Variants in SYNDIG1 observed in about 807,000 individuals in gnomAD.
SYNDIG1 encodes synapse differentiation-inducing gene protein 1.
SYNDIG1 carries 9 observed loss-of-function variants against 19.4 expected under a neutral mutation model. The ratio of observed to expected loss-of-function variants is 0.46; its 90% confidence interval spans 0.28 to 0.81. The LOEUF (loss-of-function observed/expected upper bound fraction) is 0.81. Among genes scored for constraint, SYNDIG1 ranks in the 30% least tolerant of loss-of-function variants. The pLI, the probability that SYNDIG1 is intolerant of heterozygous loss-of-function variation, is 0.12. For synonymous variants in SYNDIG1, 141 were observed against 145.9 expected, an observed-to-expected ratio of 0.97 and a Z score of 0.24; for missense variants, 311 against 343.3, an observed-to-expected ratio of 0.91 and a Z score of 0.74.
intron 1 of SYNDIG1, among the ~76,000 whole-genome samples, chr20:24,514,425 G>A (rs1179663946): frequency 2.0e-5 from 3 of 152,136 alleles, no homozygotes; most frequent in African/African-American, 7.2e-5. Flanking sequence ...AAGGGATGAA[G>A]GAAGATCCAC....
At chr20:24,542,250 G>T (rs2057483454) in intron 1 of SYNDIG1, among the ~76,000 whole-genome samples, 1 of 152,144 alleles carries the variant, frequency 6.6e-6, no homozygotes, top group Non-Finnish European at 1.5e-5. Flanking sequence ...TTAAAATTTA[G>T]TAAATAATCA....
chr20:24,563,178 A>G (rs1350118491), intron 2 of SYNDIG1, among the ~76,000 whole-genome samples: 1 of 152,190 alleles, frequency 6.6e-6, no homozygotes, highest in Non-Finnish European at 1.5e-5. Flanking sequence ...TTATTAAAAC[A>G]TCTCTCTTTA....
intron 3 of SYNDIG1, among the ~76,000 whole-genome samples, chr20:24,629,231 C>T (rs181239857): frequency 2.6e-4 from 40 of 152,312 alleles, no homozygotes; most frequent in African/African-American, 8.2e-4. Flanking sequence ...GTGGACATGT[C>T]GGCTCCCCGC....
intron 2 of SYNDIG1, among the ~76,000 whole-genome samples, chr20:24,555,069 T>A (rs2057785794): frequency 6.6e-6 from 1 of 152,138 alleles, no homozygotes; most frequent in East Asian, 1.9e-4. Context: ...CCATTTCTTC[T>A]AGATTTTCTA....
chr20:24,570,552 A>T (rs2058125028), intron 2 of SYNDIG1, among the ~76,000 whole-genome samples: 1 of 152,258 alleles, frequency 6.6e-6, no homozygotes, highest in Admixed American at 6.5e-5. Context: ...CACAAGAAAG[A>T]TATTTGACAT....
At chr20:24,601,526 G>T (rs1568675840) in intron 3 of SYNDIG1, among the ~76,000 whole-genome samples, 1 of 151,926 alleles carries the variant, frequency 6.6e-6, no homozygotes, top group East Asian at 1.9e-4. Context: ...ATCGGTTATG[G>T]CAAGTTATAT....
At chr20:24,600,368 T>G (rs978037472) in intron 3 of SYNDIG1, among the ~76,000 whole-genome samples, 3 of 152,016 alleles carry the variant, frequency 2.0e-5, no homozygotes, top group Admixed American at 1.3e-4. Flanking sequence ...ATGCATAGCT[T>G]AACAAATTAT....
intron 1 of SYNDIG1, 44 bp from the exon 2 acceptor site, chr20:24,542,976 C>G: frequency 6.9e-7 from 1 of 1,452,730 alleles, no homozygotes; most frequent in Non-Finnish European, 9.3e-7. Flanking sequence ...AGCTTGTTTT[C>G]AAGTGTGATT....
At chr20:24,634,603 G>A (rs11699457) in intron 3 of SYNDIG1, among the ~76,000 whole-genome samples, 25,659 of 152,136 alleles carry the variant, frequency 0.17, 2,749 homozygotes, top group East Asian at 0.48. Context: ...GTGTTTCATT[G>A]GTTACTATAA....
At chr20:24,517,803 TTTTATATA>T (rs2056918216) in intron 1 of SYNDIG1, among the ~76,000 whole-genome samples, 1 of 141,982 alleles carries the variant, frequency 7.0e-6, no homozygotes, top group Non-Finnish European at 1.5e-5. Context: ...AAAAAATATT[TTTTATATA>T]TATATATATT....
intron 3 of SYNDIG1, among the ~76,000 whole-genome samples, chr20:24,661,099 C>G (rs1417571556): frequency 6.6e-6 from 1 of 152,222 alleles, no homozygotes; most frequent in Non-Finnish European, 1.5e-5. Flanking sequence ...TCTCAGCCTC[C>G]AAACCATTTG....
rs185447217 is a variant in SYNDIG1 at position 24,546,107 on chromosome 20, C to T, written c.480+2530C>T. On this transcript the variant is annotated intron_variant, in intron 2 of 3. Transcript: ENST00000376862. Reference sequence around the variant, plus strand: ...GATGCCAAGGAGGATTTCAGAGCCTCACCACGGTGGTTAACTTCGTCCTTT... The same window carrying T: ...GATGCCAAGGAGGATTTCAGAGCCTTACCACGGTGGTTAACTTCGTCCTTT... Among the ~76,000 whole-genome samples, 8 of 152,300 alleles carry T rather than the reference C, an allele frequency of 5.3e-5. No individual in the cohort carries two copies. In the East Asian group the frequency reaches 1.5e-3, roughly 29 times the overall value.
intron 2 of SYNDIG1, among the ~76,000 whole-genome samples, chr20:24,573,869 C>T (rs988229629): frequency 2.0e-5 from 3 of 152,220 alleles, no homozygotes; most frequent in African/African-American, 7.2e-5. Context: ...AGCAGGTGCT[C>T]TCAGCTCCCC....
At chr20:24,636,166 T>C (rs1449138091) in intron 3 of SYNDIG1, among the ~76,000 whole-genome samples, 1 of 152,064 alleles carries the variant, frequency 6.6e-6, no homozygotes, top group Admixed American at 6.5e-5. Flanking sequence ...GGGCTGCAAA[T>C]AGGGTACTTC....
At chr20:24,572,610 G>A (rs2058162654) in intron 2 of SYNDIG1, among the ~76,000 whole-genome samples, 1 of 152,178 alleles carries the variant, frequency 6.6e-6, no homozygotes, top group Non-Finnish European at 1.5e-5. Flanking sequence ...GTGCCCTTGG[G>A]TGGAGGACAG....
rs2059619482 is a variant in SYNDIG1, at chr20:24,663,286, TG to T, written c.619-2059del. Reference sequence around the variant, plus strand: ...AACACACCACATTCCCTAGGTTTCTTGTTAGAGCCAAACATATAAACCGGCG... The same window carrying T: ...AACACACCACATTCCCTAGGTTTCTTTTAGAGCCAAACATATAAACCGGCG... On this transcript the variant is annotated intron_variant, in intron 3 of 3. Transcript: ENST00000376862. Among the ~76,000 whole-genome samples, 3 of 152,176 alleles carry T rather than the reference TG, an allele frequency of 2.0e-5. No homozygotes were observed. The South Asian group carries it at 6.2e-4, about 32-fold the overall frequency.
At chr20:24,582,494 G>A (rs534560586) in intron 2 of SYNDIG1, among the ~76,000 whole-genome samples, 2 of 100,668 alleles carry the variant, frequency 2.0e-5, no homozygotes, top group African/African-American at 8.5e-5. Flanking sequence ...CCTCACCCCT[G>A]CACATCCTCC....
chr20:24,558,095 GAATGAGGGGCT>G (rs1568640183), intron 2 of SYNDIG1, among the ~76,000 whole-genome samples: 2 of 152,204 alleles, frequency 1.3e-5, no homozygotes, highest in Non-Finnish European at 2.9e-5. Context: ...CAATCGTGAT[GAATGAGGGGCT>G]TGGTGTCTCA....
intron 1 of SYNDIG1, among the ~76,000 whole-genome samples, chr20:24,478,344 G>A (rs1372030334): frequency 6.6e-6 from 1 of 152,202 alleles, no homozygotes; most frequent in Non-Finnish European, 1.5e-5. Context: ...AGCTTTGGCT[G>A]TTATTCTGTG....
Sources: gnomAD v4.1 joint callset for allele counts (sites outside exome capture counted in the v4.1 genomes callset) on GRCh38, gnomAD v4.1.1 for gene constraint, MANE v1.5 for transcripts, NCBI Gene and HGNC (gene_info 2026-07-23, HGNC 2026-07-21) for gene names.